RTTN: variants seen among roughly 807,000 people sequenced by gnomAD.
RTTN encodes the protein rotatin.
Under a neutral mutation model 269.2 loss-of-function variants are expected in RTTN, and 182 were observed. The ratio of observed to expected loss-of-function variants is 0.68; its 90% CI spans 0.60 to 0.76. The LOEUF (loss-of-function observed/expected upper bound fraction) is 0.76, where lower values mean the gene tolerates loss of function less well. Among genes scored for constraint, RTTN ranks in the 30% least tolerant of loss-of-function variants. The pLI, the probability that RTTN is intolerant of heterozygous loss-of-function variation, is 0.00. For missense variants in RTTN, 2,545 were observed against 2,608.6 expected (o/e 0.98, Z 0.53); for synonymous variants, 1,006 against 963.5 (o/e 1.04, Z -0.82).
Position 70,166,116 on chromosome 18 carries a change from G to T in RTTN, c.1875C>A (p.His625Gln), listed in dbSNP as rs751981378. The change falls in exon 14 of 49, where the codon CAC becomes CAA. Residue 625 changes from histidine (H) to glutamine (Q), a missense_variant. His to Gln is a conservative substitution (Grantham distance 24, BLOSUM62 0). Coordinates refer to ENST00000640769, the MANE Select transcript of RTTN (RefSeq NM_173630.4). ...SQKVLLHMLS[H>Q]PLPRVKAETY... ...TTTCAGCTTTCACTCGTGGCAATGG[G>T]TGAGACAACATATGGAGAAGCACCT... 1 of 1,613,798 alleles carries T rather than the reference G, an allele frequency of 6.2e-7. No individual in the cohort carries two copies.
chr18:70,084,744 TG>T (rs2058659338), intron 32 of RTTN, among the ~76,000 whole-genome samples: 1 of 152,216 alleles, frequency 6.6e-6, no homozygotes, highest in Admixed American at 6.5e-5. Context: ...AACTATTGTT[TG>T]GGACAGCAGT....
intron 11 of RTTN, 33 bp from the exon 12 acceptor site, chr18:70,169,100 C>A (rs1430531450): frequency 6.7e-7 from 1 of 1,502,564 alleles, no homozygotes; most frequent in Admixed American, 2.2e-5. Flanking sequence ...AAAATTAAAA[C>A]TTTGTTTAAA....
In RTTN at chr18:70,149,986, G is replaced by T; in HGVS notation, c.2157C>A (p.Val719=). Residue 719 remains valine (V), a synonymous_variant, in exon 16 of 49, where the codon GTC becomes GTA. Coordinates refer to ENST00000640769, the MANE Select transcript of RTTN (RefSeq NM_173630.4). ...WNKFIESLCP[V]IPILQGYADT... is the part of the protein sequence containing the mutation. ...CACAGAATACCTGTAGTATTGGGATGACAGGACAGAGAGATTCAATAAACT... is the reference window on the plus strand; with the variant it reads ...CACAGAATACCTGTAGTATTGGGATTACAGGACAGAGAGATTCAATAAACT... 1.2e-6 allele frequency: 2 copies of T among 1,606,076 alleles called. No homozygotes were observed. Among genetic ancestry groups the T allele is most frequent in the South Asian group, 1.1e-5 (1 of 90,880 alleles).
At chr18:70,198,459 G>C (rs2061866408) in intron 5 of RTTN, among the ~76,000 whole-genome samples, 1 of 152,144 alleles carries the variant, frequency 6.6e-6, no homozygotes, top group Non-Finnish European at 1.5e-5. Context: ...GAGAATTCAT[G>C]TCATTATTAA....
chr18:70,107,086 T>G (rs985317930), intron 28 of RTTN, among the ~76,000 whole-genome samples: 1 of 152,178 alleles, frequency 6.6e-6, no homozygotes, highest in Non-Finnish European at 1.5e-5. Flanking sequence ...CAGGATGACA[T>G]TGAAACAAAG....
chr18:70,184,716 T>TTTTTTTTTATGTGTGTG (rs59000945), intron 10 of RTTN, among the ~76,000 whole-genome samples: 1 of 33,428 alleles, frequency 3.0e-5, no homozygotes, highest in Non-Finnish European at 8.1e-5. Flanking sequence ...TTTTTTTTTT[T>TTTTTTTTTATGTGTGTG]TGTGTGTGTG....
Position 70,006,461 on chromosome 18 carries a change from C to T in RTTN, c.6445G>A (p.Ala2149Thr), listed in dbSNP as rs34989098. 10,004 of 1,613,800 alleles carry T rather than the reference C, an allele frequency of 6.2e-3. 68 individuals are homozygous for T. Among genetic ancestry groups the T allele is most frequent in the Non-Finnish European group, 7.1e-3 (8,381 of 1,179,690 alleles). The change falls in exon 47 of 49, where the codon GCC becomes ACC. Residue 2149 changes from alanine to threonine, a missense_variant. Ala to Thr is a moderately conservative substitution (Grantham distance 58). Coordinates refer to ENST00000640769, the MANE Select transcript of RTTN (RefSeq NM_173630.4). Reference sequence around the variant, plus strand: ...TTTTGATTCTCACTTTCCAGACAGGCAGCAAGCACAGTAATGACTTTTTCT... The same window carrying T: ...TTTTGATTCTCACTTTCCAGACAGGTAGCAAGCACAGTAATGACTTTTTCT... The part of the protein sequence containing the change: ...ANEKVITVLA[A>T]CLESENQNAQ...
At chr18:70,036,760 TC>T (rs1479778126) in intron 40 of RTTN, among the ~76,000 whole-genome samples, 9 of 152,020 alleles carry the variant, frequency 5.9e-5, no homozygotes, top group African/African-American at 2.2e-4. Flanking sequence ...CTGTCTGTCC[TC>T]CCCCAACAGG....
At chr18:70,178,024 G>A (rs1336268902) in intron 10 of RTTN, among the ~76,000 whole-genome samples, 1 of 152,182 alleles carries the variant, frequency 6.6e-6, no homozygotes, top group African/African-American at 2.4e-5. Context: ...CCAAAAGGTG[G>A]AAACAATGAA....
At chr18:70,105,973 G>A (rs2145406803) in intron 28 of RTTN, among the ~76,000 whole-genome samples, 1 of 152,202 alleles carries the variant, frequency 6.6e-6, no homozygotes, top group South Asian at 2.1e-4. Flanking sequence ...ATGGTGCTAG[G>A]TCAATGCAGT....
chr18:70,100,895 G>T (rs1341786408), intron 28 of RTTN, among the ~76,000 whole-genome samples: 1 of 152,156 alleles, frequency 6.6e-6, no homozygotes, highest in Non-Finnish European at 1.5e-5. Flanking sequence ...ATCTGTGCAT[G>T]TTGAACCAGC....
chr18:70,053,122 T>C lies in RTTN; in HGVS notation c.5185+1009A>G, dbSNP rs189256520. 2.8e-3 allele frequency among the ~76,000 whole-genome samples: 426 copies of C among 152,326 alleles called. 1 individual carries two copies. The highest frequency in any genetic ancestry group is 9.7e-3 in the African/African-American group (403 of 41,576). Reference sequence around the variant, plus strand: ...TGCTGTCATCTATTCACCACAGTTTTGTGGCACTAGTCTTGCATACATCTT... The same window carrying C: ...TGCTGTCATCTATTCACCACAGTTTCGTGGCACTAGTCTTGCATACATCTT... On this transcript the variant is annotated intron_variant, in intron 38 of 48. Transcript: ENST00000640769.
At position 70,114,496 on chromosome 18, in the gene RTTN, A is replaced by G. The variant is rs1287564956; in HGVS notation, c.3632T>C (p.Leu1211Pro). 6.2e-7 allele frequency: 1 copy of G among 1,613,462 alleles called. No homozygotes were observed. Among genetic ancestry groups the G allele is most frequent in the East Asian group, 2.2e-5 (1 of 44,868 alleles). Reference protein sequence around the residue: ...TAVRQQLQKELIALFDTLLLN... With the variant: ...TAVRQQLQKEPIALFDTLLLN... ...CAGCAAGGTATCAAAAAGAGCAATC[A>G]GTTCTTTCTGAAGTTGTTGCCTGAC... is the stretch of plus-strand genomic sequence containing the variant. Residue 1211 changes from leucine to proline, a missense_variant, in exon 27 of 49, where the codon CTG becomes CCG. Leu to Pro is a moderately conservative substitution (Grantham distance 98). Coordinates refer to ENST00000640769, the MANE Select transcript of RTTN (RefSeq NM_173630.4).
At chr18:70,172,470 A>G (rs932958046) in intron 11 of RTTN, among the ~76,000 whole-genome samples, 23 of 152,232 alleles carry the variant, frequency 1.5e-4, no homozygotes, top group African/African-American at 5.5e-4. Flanking sequence ...GAAGAAATTT[A>G]ACATCAATGA....
chr18:70,018,826 C>CTTTTT (rs5825984), intron 45 of RTTN, among the ~76,000 whole-genome samples: 1 of 48,956 alleles, frequency 2.0e-5, no homozygotes, highest in East Asian at 7.8e-4. Context: ...GTGGGCACTC[C>CTTTTT]TTTTTTTTTT....
intron 43 of RTTN, among the ~76,000 whole-genome samples, chr18:70,027,668 A>G (rs1019759288): frequency 1.1e-4 from 16 of 152,220 alleles, no homozygotes; most frequent in African/African-American, 3.9e-4. Context: ...CTGTACATCC[A>G]GTCACAAGCA....
At chr18:70,011,824 G>A (rs372897401) in intron 46 of RTTN, among the ~76,000 whole-genome samples, 44 of 152,344 alleles carry the variant, frequency 2.9e-4, no homozygotes, top group African/African-American at 9.9e-4. Flanking sequence ...CTGCTCACTG[G>A]TACTGGTTAG....
At chr18:70,042,366 CTTTTTTTTTTTT>C (rs1017125527) in intron 40 of RTTN, among the ~76,000 whole-genome samples, 1 of 78,072 alleles carries the variant, frequency 1.3e-5, no homozygotes, top group South Asian at 4.4e-4. Flanking sequence ...TTGGAATTTT[CTTTTTTTTTTTT>C]TTTTTTTTTT....
rs759593625 is a variant in RTTN at position 70,128,513 on chromosome 18, A to G, written c.2988T>C (p.His996=). ...AAACTATGGAGTAAGGACTCACAGC[A>G]TGGTGTCCAATTACATGAACAGGTA... The part of the protein sequence containing the change: ...YHLPVHVIGH[H]AVSPYSIVLP... Residue 996 remains histidine (H), a synonymous_variant, in exon 24 of 49, where the codon CAT becomes CAC. Transcript: ENST00000640769. 5 of 1,612,944 alleles carry G rather than the reference A, an allele frequency of 3.1e-6. No homozygotes were observed. The highest frequency in any genetic ancestry group is 3.3e-4 in the Middle Eastern group (2 of 6,054).
Sources: gnomAD v4.1 joint callset for allele counts (sites outside exome capture counted in the v4.1 genomes callset) on GRCh38, gnomAD v4.1.1 for gene constraint, MANE v1.5 for transcripts, NCBI Gene and HGNC (gene_info 2026-07-23, HGNC 2026-07-21) for gene names.